KALRN: variants seen among roughly 807,000 people sequenced by gnomAD.
KALRN encodes kalirin RhoGEF kinase, also known as kalirin.
In KALRN, 70 loss-of-function variants were observed where a neutral mutation model predicts 353.7. That is an observed-to-expected ratio of 0.20 (90% CI 0.16 to 0.24). KALRN has a LOEUF of 0.24. Among genes scored for constraint, KALRN ranks in the 10% least tolerant of loss-of-function variants. The pLI, the probability that KALRN is intolerant of heterozygous loss-of-function variation, is 1.00. For missense variants in KALRN, 2,791 were observed against 3,756.7 expected (o/e 0.74, Z 6.72); for synonymous variants, 1,391 against 1,434.8 (o/e 0.97, Z 0.69).
chr3:124,234,678 A>AC (rs375961131), intron 2 of KALRN, 151 bp from the exon 3 acceptor site: 50 of 620,496 alleles, frequency 8.1e-5, no homozygotes, highest in African/African-American at 6.3e-4. Context: ...CTGCATCTAG[A>AC]CCCCCCCACC....
At chr3:124,439,125 T>G in intron 18 of KALRN, 88 bp downstream of exon 18, 1 of 1,337,136 alleles carries the variant, frequency 7.5e-7, no homozygotes. Context: ...TTTTCTTTCT[T>G]TCTCTTTCTC....
chr3:124,626,619 T>C (rs189630775), intron 34 of KALRN, among the ~76,000 whole-genome samples: 2 of 152,358 alleles, frequency 1.3e-5, no homozygotes, highest in East Asian at 3.9e-4. Context: ...TCATTGGTCT[T>C]TGGGCAGTTT....
chr3:124,555,522 C>A (rs1449720967), intron 33 of KALRN, among the ~76,000 whole-genome samples: 1 of 151,836 alleles, frequency 6.6e-6, no homozygotes, highest in Admixed American at 6.6e-5. Flanking sequence ...TGTCTCCCCC[C>A]ACTAACACCT....
rs2085635128 is a variant in KALRN, at chr3:124,666,432, G to T, written c.6346-17G>T. ...CCCATTTTTCATTCACTTCACCCCAGCCCGTCTTTCCTTCAGGGCACTCTG... is the reference window on the plus strand; with the variant it reads ...CCCATTTTTCATTCACTTCACCCCATCCCGTCTTTCCTTCAGGGCACTCTG... On this transcript the variant is annotated splice_polypyrimidine_tract_variant and intron_variant, in intron 45 of 59. Transcript: ENST00000682506. 1.2e-6 allele frequency: 2 copies of T among 1,612,730 alleles called. No individual in the cohort carries two copies. The highest frequency in any genetic ancestry group is 1.3e-5 in the African/African-American group (1 of 74,890).
At chr3:124,424,836 G>A (rs544441703) in intron 15 of KALRN, among the ~76,000 whole-genome samples, 4 of 152,188 alleles carry the variant, frequency 2.6e-5, no homozygotes, top group Non-Finnish European at 2.9e-5. Flanking sequence ...GAGAAGTGGT[G>A]TTATGCTTAC....
In KALRN at chr3:124,111,691, G is replaced by T. The variant is rs189477525; in HGVS notation, c.73+77878G>T. On this transcript the variant is annotated intron_variant, in intron 1 of 59. Transcript: ENST00000682506. ...TATAGAGCCAAACGTAATACAGAAA[G>T]GATTCATAAATATAGGGGGCATGTT... Among the ~76,000 whole-genome samples the T allele has an allele frequency of 6.0e-4, 92 of 152,122 alleles. 1 individual carries two copies. Among genetic ancestry groups the T allele is most frequent in the African/African-American group, 1.6e-3 (66 of 41,492 alleles).
chr3:124,676,106 C>G (rs1319267332), intron 49 of KALRN, among the ~76,000 whole-genome samples: 2 of 152,198 alleles, frequency 1.3e-5, no homozygotes, highest in African/African-American at 4.8e-5. Context: ...AGAGCTAACT[C>G]TTAATGATTT....
chr3:124,127,707 C>G (rs1173852863), intron 1 of KALRN, among the ~76,000 whole-genome samples: 1 of 152,126 alleles, frequency 6.6e-6, no homozygotes, highest in Non-Finnish European at 1.5e-5. Flanking sequence ...TATTGTTGGT[C>G]AGATCTAATT....
intron 34 of KALRN, among the ~76,000 whole-genome samples, chr3:124,626,084 G>GA (rs201515705): frequency 2.0e-5 from 3 of 146,484 alleles, no homozygotes; most frequent in East Asian, 2.0e-4. Context: ...CTGTCTCAAA[G>GA]AAAAAAAAAA....
intron 10 of KALRN, among the ~76,000 whole-genome samples, chr3:124,366,992 G>A (rs370299481): frequency 0.011 from 1,547 of 137,846 alleles, no homozygotes; most frequent in East Asian, 0.055. Flanking sequence ...CGGACGGGGC[G>A]GCTGGCCGGG....
chr3:124,642,082 G>C (rs1201867450), intron 37 of KALRN, among the ~76,000 whole-genome samples: 1 of 152,152 alleles, frequency 6.6e-6, no homozygotes, highest in African/African-American at 2.4e-5. Context: ...AGGAGTTCAA[G>C]ACCAGCCTAG....
intron 29 of KALRN, among the ~76,000 whole-genome samples, 162 bp from the exon 30 acceptor site, chr3:124,490,532 A>G (rs940281849): frequency 4.6e-5 from 7 of 152,304 alleles, no homozygotes; most frequent in East Asian, 1.9e-4. Flanking sequence ...AGAGATGTCT[A>G]TGGAAGTGTT....
At chr3:124,576,430 A>G (rs2149208269) in intron 34 of KALRN, among the ~76,000 whole-genome samples, 1 of 152,264 alleles carries the variant, frequency 6.6e-6, no homozygotes, top group East Asian at 1.9e-4. Flanking sequence ...CAGGCTCAGC[A>G]TGTAGAACGG....
intron 6 of KALRN, among the ~76,000 whole-genome samples, chr3:124,313,712 A>G (rs2078516701): frequency 6.6e-6 from 1 of 152,034 alleles, no homozygotes; most frequent in African/African-American, 2.4e-5. Flanking sequence ...TATGGGTTCC[A>G]CTCTAGATTC....
At chr3:124,073,504 C>G (rs1301695775) in intron 1 of KALRN, among the ~76,000 whole-genome samples, 1 of 152,150 alleles carries the variant, frequency 6.6e-6, no homozygotes, top group African/African-American at 2.4e-5. Flanking sequence ...AGCTGCAGAA[C>G]AGAGAACTAG....
chr3:124,586,148 T>C (rs568488336), intron 34 of KALRN, among the ~76,000 whole-genome samples: 1 of 152,256 alleles, frequency 6.6e-6, no homozygotes, highest in East Asian at 1.9e-4. Context: ...AGAATTCAGA[T>C]GAAGAAGGAA....
At chr3:124,430,921 C>T in intron 16 of KALRN, 146 bp downstream of exon 16, 1 of 1,000,694 alleles carries the variant, frequency 1.0e-6, no homozygotes, top group African/African-American at 1.6e-5. Context: ...TTCCTCTTAC[C>T]CAAGAGTTGA....
chr3:124,455,120 G>A, intron 21 of KALRN, 57 bp from the exon 22 acceptor site: 2 of 1,585,168 alleles, frequency 1.3e-6, no homozygotes, highest in South Asian at 2.3e-5. Flanking sequence ...AGGATTTGGG[G>A]TGAAGGGGCA....
intron 21 of KALRN, among the ~76,000 whole-genome samples, chr3:124,454,618 T>G (rs1262515463): frequency 6.6e-6 from 1 of 152,084 alleles, no homozygotes; most frequent in Admixed American, 6.5e-5. Context: ...GGATCAGCCC[T>G]CCGTATCTAC....
Sources: allele counts gnomAD v4.1 joint callset (sites outside exome capture counted in the v4.1 genomes callset), GRCh38; gene constraint gnomAD v4.1.1; transcripts MANE v1.5; gene names NCBI Gene and HGNC (gene_info 2026-07-23, HGNC 2026-07-21).